JAM3: variants seen among roughly 807,000 people sequenced by gnomAD.
JAM3 encodes the protein junctional adhesion molecule 3, also known as junctional adhesion molecule C.
JAM3 carries 31 observed loss-of-function variants against 39.4 expected under a neutral mutation model. The observed-to-expected ratio is 0.79, with a 90% CI of 0.59 to 1.06. JAM3 has a LOEUF of 1.06. Among genes scored for constraint, JAM3 ranks in the 50% least tolerant of loss-of-function variants. The pLI is 0.00. For synonymous variants in JAM3, 182 were observed against 148.7 expected, an observed-to-expected ratio of 1.22 and a Z score of -1.63; for missense variants, 455 against 391.4, an observed-to-expected ratio of 1.16 and a Z score of -1.37.
chr11:134,144,045 G>C lies in JAM3; in HGVS notation c.257-196G>C, dbSNP rs781528087. Among the ~76,000 whole-genome samples the C allele has an allele frequency of 3.3e-5, 5 of 152,094 alleles. No homozygotes were observed. The South Asian group carries it at 1.0e-3, about 32-fold the overall frequency. On this transcript the variant is annotated intron_variant, in intron 3 of 8. Coordinates refer to ENST00000299106, the MANE Select transcript of JAM3 (RefSeq NM_032801.5). ...TCTTGCACACCAGGAACTATTTTTG[G>C]TGTTTAGGTTACAGATAGGAATAGG... is the stretch of plus-strand genomic sequence containing the variant.
In JAM3 at chr11:134,142,238, G is replaced by A. The variant is rs116981082; in HGVS notation, c.256+1468G>A. Among the ~76,000 whole-genome samples, 1,007 of 152,258 alleles carry A rather than the reference G, an allele frequency of 6.6e-3. 3 individuals carry two copies. Among genetic ancestry groups the A allele is most frequent in the Non-Finnish European group, 0.011 (722 of 68,014 alleles). ...GAGACGGTTTCCCGCACAGAATGCC[G>A]GGGTTCGGGGAGGATGCAGCTGTAC... On this transcript the variant is annotated intron_variant, in intron 3 of 8. Coordinates refer to ENST00000299106, the MANE Select transcript of JAM3 (RefSeq NM_032801.5).
chr11:134,121,746 C>T (rs188744515), intron 1 of JAM3, among the ~76,000 whole-genome samples: 142 of 152,136 alleles, frequency 9.3e-4, no homozygotes, highest in Non-Finnish European at 3.2e-4. Context: ...TCCTTCTCCT[C>T]AATACAGAAC....
At chr11:134,146,098 CA>C in intron 6 of JAM3, 53 bp downstream of exon 6, 1 of 1,201,946 alleles carries the variant, frequency 8.3e-7, no homozygotes, top group Admixed American at 1.7e-5. Context: ...GTGAATAGAA[CA>C]TTTTAATTTA....
At chr11:134,084,445 A>G (rs1941715293) in intron 1 of JAM3, among the ~76,000 whole-genome samples, 1 of 152,252 alleles carries the variant, frequency 6.6e-6, no homozygotes, top group Admixed American at 6.5e-5. Context: ...AATACTGACT[A>G]TATATAAAGC....
intron 1 of JAM3, among the ~76,000 whole-genome samples, chr11:134,085,917 G>A (rs1478666624): frequency 1.3e-5 from 2 of 152,172 alleles, no homozygotes; most frequent in Non-Finnish European, 2.9e-5. Context: ...CTGTTCAAAC[G>A]TATTATCGCC....
chr11:134,135,972 A>C (rs1358035082), intron 1 of JAM3, among the ~76,000 whole-genome samples: 1 of 152,072 alleles, frequency 6.6e-6, no homozygotes, highest in Non-Finnish European at 1.5e-5. Flanking sequence ...TGGGAGGCTG[A>C]GACAGGAGAA....
At chr11:134,098,844 C>G (rs149550994) in intron 1 of JAM3, among the ~76,000 whole-genome samples, 1 of 152,138 alleles carries the variant, frequency 6.6e-6, no homozygotes. Context: ...AACATTCACA[C>G]TGATACTCCA....
intron 1 of JAM3, among the ~76,000 whole-genome samples, chr11:134,125,135 G>A (rs1232624701): frequency 2.6e-5 from 4 of 152,302 alleles, no homozygotes; most frequent in South Asian, 4.1e-4. Context: ...TGCTCCAGCC[G>A]CTCCCGGACG....
At chr11:134,142,383 A>C (rs929487741) in intron 3 of JAM3, among the ~76,000 whole-genome samples, 3 of 152,148 alleles carry the variant, frequency 2.0e-5, no homozygotes, top group Admixed American at 6.5e-5. Context: ...TGTATAACAA[A>C]GCTTCCCATT....
intron 6 of JAM3, 43 bp downstream of exon 6, chr11:134,146,088 G>C (rs374704989): frequency 8.0e-7 from 1 of 1,253,854 alleles, no homozygotes; most frequent in South Asian, 1.2e-5. Context: ...AGACTGGGAA[G>C]TGAATAGAAC....
intron 1 of JAM3, among the ~76,000 whole-genome samples, chr11:134,102,207 G>C (rs999575709): frequency 1.3e-5 from 2 of 152,150 alleles, no homozygotes; most frequent in Non-Finnish European, 2.9e-5. Context: ...CAGTTCAGCA[G>C]TATTCGCTGT....
intron 1 of JAM3, among the ~76,000 whole-genome samples, chr11:134,101,005 A>G (rs1345818738): frequency 3.9e-5 from 6 of 152,244 alleles, no homozygotes. Context: ...CATTCTCGGT[A>G]TAAGTGGTCA....
intron 1 of JAM3, chr11:134,070,147 A>G (rs1245092732): frequency 6.6e-6 from 3 of 456,082 alleles, no homozygotes; most frequent in East Asian, 7.0e-5. Context: ...GCTCTGTGAG[A>G]TAGGTTTCAT....
chr11:134,118,724 C>A (rs1010892393), intron 1 of JAM3, among the ~76,000 whole-genome samples: 1 of 152,158 alleles, frequency 6.6e-6, no homozygotes, highest in Non-Finnish European at 1.5e-5. Context: ...TAAGACCCAG[C>A]CATTCCCTTT....
At chr11:134,079,000 T>C (rs1036400630) in intron 1 of JAM3, among the ~76,000 whole-genome samples, 28 of 151,834 alleles carry the variant, frequency 1.8e-4, no homozygotes, top group Non-Finnish European at 4.0e-4. Context: ...GATCACGCCA[T>C]TGTACTCCAG....
intron 1 of JAM3, among the ~76,000 whole-genome samples, chr11:134,131,388 C>T (rs1942766918): frequency 6.6e-6 from 1 of 151,850 alleles, no homozygotes; most frequent in Non-Finnish European, 1.5e-5. Context: ...CTCAAATGGA[C>T]TACTACAGCC....
chr11:134,089,671 A>T lies in JAM3; in HGVS notation c.76+20512A>T, dbSNP rs1167355008. Among the ~76,000 whole-genome samples the T allele has an allele frequency of 5.3e-5, 8 of 152,234 alleles. No homozygotes were observed. The South Asian group carries it at 1.0e-3, about 20-fold the overall frequency. ...TTTTATGGCTGCATAGTATTCCATGATGTATATGTGCCACATTTTCTTAAT... is the reference window on the plus strand; with the variant it reads ...TTTTATGGCTGCATAGTATTCCATGTTGTATATGTGCCACATTTTCTTAAT... On this transcript the variant is annotated intron_variant, in intron 1 of 8. Transcript: ENST00000299106.
intron 1 of JAM3, among the ~76,000 whole-genome samples, chr11:134,116,066 T>C (rs1942426653): frequency 6.6e-6 from 1 of 152,236 alleles, no homozygotes; most frequent in Admixed American, 6.5e-5. Context: ...AAAGTTAGTA[T>C]GTTTCTTTTT....
intron 1 of JAM3, among the ~76,000 whole-genome samples, chr11:134,103,689 CAAAA>C (rs569203032): frequency 2.7e-5 from 4 of 150,818 alleles, no homozygotes; most frequent in East Asian, 3.9e-4. Context: ...AAGTGGAAAA[CAAAA>C]AAAAGGCAGG....
Sources: gnomAD v4.1 joint callset for allele counts (sites outside exome capture counted in the v4.1 genomes callset) on GRCh38, gnomAD v4.1.1 for gene constraint, MANE v1.5 for transcripts, NCBI Gene and HGNC (gene_info 2026-07-23, HGNC 2026-07-21) for gene names.